Variants in FSTL5 observed in about 807,000 individuals in gnomAD.
FSTL5 encodes follistatin like 5.
A neutral mutation model predicts 89.1 loss-of-function variants in FSTL5; 62 were observed. The ratio of observed to expected loss-of-function variants is 0.70; its 90% CI spans 0.57 to 0.86. The LOEUF (loss-of-function observed/expected upper bound fraction) is 0.86. FSTL5 is among the 40% of genes least tolerant of loss of function. FSTL5 has a pLI of 0.00. For missense variants in FSTL5, 1,057 were observed against 1,001.6 expected, an observed-to-expected ratio of 1.06 and a Z score of -0.75; for synonymous variants, 383 against 346.2, an observed-to-expected ratio of 1.11 and a Z score of -1.18.
At chr4:161,533,354 G>A (rs1731489650) in intron 10 of FSTL5, among the ~76,000 whole-genome samples, 1 of 151,998 alleles carries the variant, frequency 6.6e-6, no homozygotes, top group African/African-American at 2.4e-5. Context: ...AAAAAGAGAA[G>A]ATCCAAGTGA....
chr4:161,895,445 C>A (rs886588048), intron 4 of FSTL5, among the ~76,000 whole-genome samples: 2 of 152,012 alleles, frequency 1.3e-5, no homozygotes, highest in African/African-American at 2.4e-5. Flanking sequence ...ATAACAGGAA[C>A]AGATATTGAG....
chr4:161,785,384 A>G (rs1741866390), intron 4 of FSTL5, among the ~76,000 whole-genome samples: 1 of 152,184 alleles, frequency 6.6e-6, no homozygotes, highest in South Asian at 2.1e-4. Context: ...CCTATCATCT[A>G]CACTGGAACA....
intron 12 of FSTL5, among the ~76,000 whole-genome samples, chr4:161,488,095 C>G (rs1036499687): frequency 6.6e-6 from 1 of 151,980 alleles, no homozygotes; most frequent in Non-Finnish European, 1.5e-5. Context: ...TGAATAGCCT[C>G]CAAATTTGAC....
chr4:161,736,133 A>G (rs1410187541), intron 6 of FSTL5, among the ~76,000 whole-genome samples: 1 of 152,090 alleles, frequency 6.6e-6, no homozygotes, highest in East Asian at 1.9e-4. Flanking sequence ...CATATCTTAA[A>G]GTTTAAAATT....
chr4:161,531,805 T>C (rs1731420225), intron 10 of FSTL5, among the ~76,000 whole-genome samples: 1 of 152,212 alleles, frequency 6.6e-6, no homozygotes, highest in Non-Finnish European at 1.5e-5. Flanking sequence ...ATAGCTATGC[T>C]ATCAATATTT....
chr4:162,023,176 G>T (rs996473729), intron 3 of FSTL5, among the ~76,000 whole-genome samples: 2 of 152,048 alleles, frequency 1.3e-5, no homozygotes, highest in Non-Finnish European at 2.9e-5. Context: ...GGAAAACAGG[G>T]ACTATCGTGT....
intron 7 of FSTL5, among the ~76,000 whole-genome samples, chr4:161,649,616 T>G (rs1334343358): frequency 2.0e-5 from 3 of 152,188 alleles, no homozygotes; most frequent in African/African-American, 7.2e-5. Flanking sequence ...CATTTTATAC[T>G]CTCTTAGATG....
intron 4 of FSTL5, among the ~76,000 whole-genome samples, chr4:161,866,820 G>A (rs571810415): frequency 2.6e-5 from 4 of 151,870 alleles, no homozygotes; most frequent in African/African-American, 4.8e-5. Context: ...AGACTAATGA[G>A]AGATGAACCC....
intron 4 of FSTL5, among the ~76,000 whole-genome samples, chr4:161,899,928 C>CTAAGGAAGTGGTTAG (rs1733297239): frequency 6.6e-6 from 1 of 152,174 alleles, no homozygotes; most frequent in Non-Finnish European, 1.5e-5. Flanking sequence ...AGCGTGGTGG[C>CTAAGGAAGTGGTTAG]TCACTCCTGT....
chr4:161,976,447 A>T (rs1459346792), intron 3 of FSTL5, among the ~76,000 whole-genome samples: 2 of 152,210 alleles, frequency 1.3e-5, no homozygotes, highest in African/African-American at 2.4e-5. Context: ...TTAAATATTT[A>T]TCAGGTGATT....
intron 2 of FSTL5, among the ~76,000 whole-genome samples, chr4:162,081,533 A>T (rs1379475202): frequency 6.6e-6 from 1 of 151,646 alleles, no homozygotes; most frequent in Non-Finnish European, 1.5e-5. Flanking sequence ...CCAAAGGCCA[A>T]ATAGACATAG....
At chr4:161,944,380 TA>T (rs1274101661) in intron 3 of FSTL5, among the ~76,000 whole-genome samples, 4 of 152,066 alleles carry the variant, frequency 2.6e-5, no homozygotes, top group African/African-American at 9.7e-5. Flanking sequence ...GAAAAAAATT[TA>T]AAAGACTAAA....
At position 161,863,059 on chromosome 4, in the gene FSTL5, A is replaced by G. The variant is rs79023422; in HGVS notation, c.409+57345T>C. On this transcript the variant is annotated intron_variant, in intron 4 of 15. Transcript: ENST00000306100. The stretch of plus-strand genomic sequence containing the variant: ...TTTGCAGAAATTTCTACTCATCAGT[A>G]ACAAAATAGTCTTCCATTTTTCTAT... 2.5e-3 allele frequency among the ~76,000 whole-genome samples: 376 copies of G among 152,354 alleles called. 2 individuals are homozygous for G. The highest frequency in any genetic ancestry group is 6.8e-3 in the Middle Eastern group (2 of 294).
chr4:161,914,954 T>C (rs1343959959), intron 4 of FSTL5, among the ~76,000 whole-genome samples: 1 of 152,202 alleles, frequency 6.6e-6, no homozygotes, highest in African/African-American at 2.4e-5. Flanking sequence ...AGTATTCATA[T>C]AGAAATCACT....
intron 6 of FSTL5, among the ~76,000 whole-genome samples, chr4:161,744,585 G>A (rs1397954501): frequency 6.6e-6 from 1 of 151,988 alleles, no homozygotes; most frequent in Non-Finnish European, 1.5e-5. Context: ...GATGTGACAA[G>A]GAATTCATCC....
At chr4:161,636,446 GTTTT>G (rs796867744) in intron 7 of FSTL5, among the ~76,000 whole-genome samples, 3 of 109,782 alleles carry the variant, frequency 2.7e-5, no homozygotes, top group Non-Finnish European at 5.5e-5. Context: ...TCTGGCAGTT[GTTTT>G]TTTTTTTTTC....
At chr4:161,938,100 A>G (rs1357077662) in intron 3 of FSTL5, among the ~76,000 whole-genome samples, 1 of 152,070 alleles carries the variant, frequency 6.6e-6, no homozygotes, top group African/African-American at 2.4e-5. Context: ...CACCACCACC[A>G]TTCATCAATA....
chr4:161,516,955 G>A (rs1730864287), intron 10 of FSTL5, among the ~76,000 whole-genome samples: 1 of 152,036 alleles, frequency 6.6e-6, no homozygotes, highest in Non-Finnish European at 1.5e-5. Flanking sequence ...GCGTAGTGGT[G>A]TGATCTCTGC....
intron 3 of FSTL5, among the ~76,000 whole-genome samples, chr4:162,018,249 G>A (rs2111149319): frequency 6.6e-6 from 1 of 152,224 alleles, no homozygotes; most frequent in Middle Eastern, 3.4e-3. Context: ...TGGGCAGGTG[G>A]AGTGCTTTAT....
Sources: gnomAD v4.1 joint callset for allele counts (sites outside exome capture counted in the v4.1 genomes callset) on GRCh38, gnomAD v4.1.1 for gene constraint, MANE v1.5 for transcripts, NCBI Gene and HGNC (gene_info 2026-07-23, HGNC 2026-07-21) for gene names.